The following OTOP1 variants were observed in gnomAD, a reference collection of about 807,000 sequenced individuals.
The protein encoded by OTOP1 is otopetrin 1, also known as proton channel OTOP1.
In OTOP1, 59 loss-of-function variants were observed where a neutral mutation model predicts 52.9. The ratio of observed to expected loss-of-function variants is 1.12; its 90% CI spans 0.91 to 1.39. OTOP1 has a LOEUF of 1.39. OTOP1 is among the 40% of genes most tolerant of loss of function. OTOP1 has a pLI of 0.00. For missense variants in OTOP1, 761 were observed against 800.9 expected, an observed-to-expected ratio of 0.95 and a Z score of 0.60; for synonymous variants, 317 against 337.7, an observed-to-expected ratio of 0.94 and a Z score of 0.67.
chr4:4,191,106 G>A (rs1464688093), intron 5 of OTOP1, among the ~76,000 whole-genome samples: 1 of 152,016 alleles, frequency 6.6e-6, no homozygotes, highest in Non-Finnish European at 1.5e-5. Context: ...CAGCTACGTC[G>A]TCCTCCCAGG....
chr4:4,226,624 C>A lies in OTOP1; in HGVS notation c.241G>T (p.Ala81Ser), dbSNP rs1717444136. Residue 81 changes from alanine to serine, a missense_variant, in exon 1 of 6, where the codon GCC becomes TCC. Physicochemically the swap from Ala to Ser is moderately conservative, Grantham distance 99. Coordinates refer to ENST00000296358, the MANE Select transcript of OTOP1 (RefSeq NM_177998.3). Reference sequence around the variant, plus strand: ...TTGCTCACGCCCGCGGCGTGCACGGCCCAGGCCAGCAGCAGCAGCAGCCCC... The same window carrying A: ...TTGCTCACGCCCGCGGCGTGCACGGACCAGGCCAGCAGCAGCAGCAGCCCC... ...VAGLLLLLAW[A>S]VHAAGVSKSD... The A allele has an allele frequency of 6.3e-7, 1 of 1,591,054 alleles. No homozygotes were observed. The highest frequency in any genetic ancestry group is 8.5e-7 in the Non-Finnish European group (1 of 1,173,380).
chr4:4,197,006 C>A (rs762965192), intron 5 of OTOP1, among the ~76,000 whole-genome samples, 160 bp downstream of exon 5: 1 of 152,144 alleles, frequency 6.6e-6, no homozygotes, highest in African/African-American at 2.4e-5. Context: ...AACTACCTAT[C>A]GGGCACTATG....
chr4:4,198,738 G>A (rs1272030508), intron 4 of OTOP1, among the ~76,000 whole-genome samples: 1 of 152,158 alleles, frequency 6.6e-6, no homozygotes, highest in East Asian at 1.9e-4. Flanking sequence ...GAAGCTGGCT[G>A]CGGTATGGAG....
chr4:4,226,350 G>C, intron 1 of OTOP1, 112 bp downstream of exon 1: 2 of 1,074,182 alleles, frequency 1.9e-6, no homozygotes, highest in Non-Finnish European at 2.5e-6. Flanking sequence ...GAGAGACCAA[G>C]GCAGAAAAGG....
rs1716687072 is a variant in OTOP1, at chr4:4,197,927, T to G, written c.907A>C (p.Lys303Gln). The change falls in exon 5 of 6, where the codon AAG (lysine) becomes CAG (glutamine). Residue 303 changes from lysine to glutamine, a missense_variant. Around this residue, in one of 3 missense-constraint regions of OTOP1, gnomAD observed 632 missense variants for 619.5 expected, o/e 1.02. Coordinates refer to ENST00000296358, the MANE Select transcript of OTOP1 (RefSeq NM_177998.3). ...GRKVDSHQHQ[K>Q]MQFKSDGVMV... ...ACCCCATCAGACTTGAACTGCATCTTCTGGTGCTGATGGCTGTCAACTTTG... is the reference window on the plus strand; with the variant it reads ...ACCCCATCAGACTTGAACTGCATCTGCTGGTGCTGATGGCTGTCAACTTTG... 1 of 1,613,886 alleles carries G rather than the reference T, an allele frequency of 6.2e-7. No individual in the cohort carries two copies. The highest frequency in any genetic ancestry group is 1.3e-5 in the African/African-American group (1 of 74,846).
In OTOP1 at chr4:4,194,704, C is replaced by T. The variant is rs573010383; in HGVS notation, c.1668+2462G>A. 3.9e-5 allele frequency among the ~76,000 whole-genome samples: 6 copies of T among 152,322 alleles called. No individual in the cohort carries two copies. The South Asian group carries it at 6.2e-4, about 16-fold the overall frequency. On this transcript the variant is annotated intron_variant, in intron 5 of 5. Coordinates refer to ENST00000296358, the MANE Select transcript of OTOP1 (RefSeq NM_177998.3). ...GGGCAACAGAGAGCAGGCTTGATAA[C>T]GGAGGCTGGTAGCAAAGAGCTGACT...
chr4:4,219,314 T>C (rs1178373628), intron 1 of OTOP1, among the ~76,000 whole-genome samples: 2 of 152,052 alleles, frequency 1.3e-5, no homozygotes, highest in Non-Finnish European at 2.9e-5. Flanking sequence ...AAAAAGAAAG[T>C]CAGAATGGCA....
chr4:4,201,143 C>T (rs916491937), intron 4 of OTOP1, among the ~76,000 whole-genome samples: 2 of 152,070 alleles, frequency 1.3e-5, no homozygotes, highest in African/African-American at 4.8e-5. Context: ...TATTGTCTAC[C>T]TGAGGCCAGG....
chr4:4,210,175 G>C (rs1016095862), intron 2 of OTOP1, among the ~76,000 whole-genome samples: 7 of 152,100 alleles, frequency 4.6e-5, no homozygotes, highest in African/African-American at 1.7e-4. Context: ...TATTCGTCCA[G>C]TATTTAAAGA....
intron 1 of OTOP1, among the ~76,000 whole-genome samples, chr4:4,223,522 G>A (rs115088265): frequency 0.04 from 6,063 of 152,198 alleles, 162 homozygotes; most frequent in African/African-American, 0.068. Flanking sequence ...TTCAACATAA[G>A]GAAGAGCATT....
At chr4:4,189,853 T>G (rs1716464282) in intron 5 of OTOP1, among the ~76,000 whole-genome samples, 1 of 152,126 alleles carries the variant, frequency 6.6e-6, no homozygotes, top group Non-Finnish European at 1.5e-5. Context: ...CATGAGTAGA[T>G]TTGGAAACAA....
chr4:4,220,101 A>T (rs201022883), intron 1 of OTOP1, among the ~76,000 whole-genome samples: 8,447 of 65,674 alleles, frequency 0.13, 1,014 homozygotes, highest in African/African-American at 0.37. Context: ...ATATATATAT[A>T]TATATTTTTT....
intron 1 of OTOP1, among the ~76,000 whole-genome samples, chr4:4,223,148 A>C (rs1717337513): frequency 6.6e-6 from 1 of 152,208 alleles, no homozygotes; most frequent in Admixed American, 6.5e-5. Flanking sequence ...CTGAACACCT[A>C]TCACGTGCTC....
chr4:4,201,471 T>TATACACACAC (rs1553852440), intron 4 of OTOP1, among the ~76,000 whole-genome samples: 3 of 140,774 alleles, frequency 2.1e-5, no homozygotes, highest in Non-Finnish European at 4.6e-5. Context: ...TATATATATA[T>TATACACACAC]ACACACACAC....
chr4:4,209,061 T>C (rs188572108), intron 2 of OTOP1, among the ~76,000 whole-genome samples: 2 of 152,338 alleles, frequency 1.3e-5, no homozygotes, highest in East Asian at 3.9e-4. Flanking sequence ...TCTTACCTGC[T>C]TTACTGCAGT....
At chr4:4,206,724 C>T (rs1223158950) in intron 2 of OTOP1, among the ~76,000 whole-genome samples, 1 of 152,138 alleles carries the variant, frequency 6.6e-6, no homozygotes, top group East Asian at 1.9e-4. Context: ...CTGAATAGCC[C>T]ATGGCCTTGG....
At chr4:4,205,310 A>G (rs541944442) in intron 3 of OTOP1, among the ~76,000 whole-genome samples, 58 of 152,312 alleles carry the variant, frequency 3.8e-4, no homozygotes, top group Non-Finnish European at 7.2e-4. Context: ...TCTTCTCTAC[A>G]ATACTGAAGA....
rs559018757 is a variant in OTOP1, at chr4:4,219,452, A to G, written c.404-6448T>C. Among the ~76,000 whole-genome samples the G allele has an allele frequency of 2.9e-4, 44 of 152,118 alleles. 1 individual carries two copies. The South Asian group carries it at 9.2e-3, about 32-fold the overall frequency. ...CGCGGTGGCTCACGCCTGTAATCCC[A>G]GCACTTTGGGAGGCCGAGGCGGGCG... On this transcript the variant is annotated intron_variant, in intron 1 of 5. Transcript: ENST00000296358.
rs747933707 is a variant in OTOP1 at position 4,197,985 on chromosome 4, T to C, written c.849A>G (p.Thr283=). ...FNIEYQILAS[T]MLYVLWKNIG... ...TGTTCTTCCACAGGACGTAGAGCATTGTGGAGGCCAGGATCTGATACTCTA... is the reference window on the plus strand; with the variant it reads ...TGTTCTTCCACAGGACGTAGAGCATCGTGGAGGCCAGGATCTGATACTCTA... The change falls in exon 5 of 6, where the codon ACA becomes ACG. Residue 283 remains threonine (T), a synonymous_variant. Transcript: ENST00000296358. 2 of 1,613,932 alleles carry C rather than the reference T, an allele frequency of 1.2e-6. No homozygotes were observed. Among genetic ancestry groups the C allele is most frequent in the Non-Finnish European group, 1.7e-6 (2 of 1,179,994 alleles).
Sources: gnomAD v4.1 joint callset for allele counts (sites outside exome capture counted in the v4.1 genomes callset) on GRCh38, gnomAD v4.1.1 for gene constraint, gnomAD v4.1.1 regional missense constraint, MANE v1.5 for transcripts, NCBI Gene and HGNC (gene_info 2026-07-23, HGNC 2026-07-21) for gene names.